The following PLCB4 variants were observed in gnomAD, a reference collection of about 807,000 sequenced individuals.
The protein encoded by PLCB4 is phospholipase C beta 4.
PLCB4 carries 77 observed loss-of-function variants against 178.8 expected under a neutral mutation model. That is an observed-to-expected ratio of 0.43 (90% confidence interval 0.36 to 0.52). The LOEUF (loss-of-function observed/expected upper bound fraction) is 0.52, where lower values mean the gene tolerates loss of function less well. Ranked by LOEUF, PLCB4 falls within the 20% of genes least tolerant of loss-of-function variation. The probability of loss-of-function intolerance (pLI) is 0.00; values close to 1 mark genes in which losing one functional copy is unlikely to be tolerated. For missense variants in PLCB4, 1,024 were observed against 1,453.4 expected, an observed-to-expected ratio of 0.70 and a Z score of 4.80; for synonymous variants, 496 against 490.8, an observed-to-expected ratio of 1.01 and a Z score of -0.14.
intron 3 of PLCB4, among the ~76,000 whole-genome samples, chr20:9,237,712 A>G (rs2094008593): frequency 6.6e-6 from 1 of 152,250 alleles, no homozygotes; most frequent in African/African-American, 2.4e-5. Context: ...AAGTGGTGTT[A>G]ATAGATACTT....
At position 9,334,595 on chromosome 20, in the gene PLCB4, G is replaced by A. The variant is rs7271312; in HGVS notation, c.85-2531G>A. ...ATAAAGTATGCATAAAATAGACTTC[G>A]TTTTTTGGCCAAGAAAACACTAAAT... is the stretch of plus-strand genomic sequence containing the variant. On this transcript the variant is annotated intron_variant, in intron 4 of 39. Coordinates refer to ENST00000378473, the MANE Select transcript of PLCB4 (RefSeq NM_001377142.1). Among the ~76,000 whole-genome samples, 1,094 of 152,120 alleles carry A rather than the reference G, an allele frequency of 7.2e-3. 10 individuals carry two copies. Among genetic ancestry groups the A allele is most frequent in the African/African-American group, 0.024 (1,009 of 41,506 alleles).
chr20:9,222,777 T>A (rs907068297), intron 3 of PLCB4, among the ~76,000 whole-genome samples: 1 of 152,196 alleles, frequency 6.6e-6, no homozygotes, highest in Non-Finnish European at 1.5e-5. Flanking sequence ...GGTACCATAT[T>A]GGCCAGTGCA....
chr20:9,477,497 A>G (rs1192243777), intron 39 of PLCB4, among the ~76,000 whole-genome samples: 1 of 152,188 alleles, frequency 6.6e-6, no homozygotes. Flanking sequence ...ACAAGCACAG[A>G]GAATCATTTG....
chr20:9,359,287 G>A (rs1474402486), intron 7 of PLCB4, among the ~76,000 whole-genome samples: 2 of 152,088 alleles, frequency 1.3e-5, no homozygotes, highest in Non-Finnish European at 2.9e-5. Context: ...ACAGGGCCTG[G>A]GGTGGTGAAA....
intron 25 of PLCB4, 34 bp downstream of exon 25, chr20:9,411,122 A>T: frequency 7.0e-7 from 1 of 1,419,092 alleles, no homozygotes. Flanking sequence ...TTTCACCTAG[A>T]TTGAGAACTC....
intron 2 of PLCB4, among the ~76,000 whole-genome samples, chr20:9,117,637 A>G (rs2091825167): frequency 6.6e-6 from 1 of 152,120 alleles, no homozygotes; most frequent in African/African-American, 2.4e-5. Context: ...CAAGATTCCT[A>G]TATTCTGACC....
At chr20:9,301,910 C>T (rs759246984) in intron 3 of PLCB4, among the ~76,000 whole-genome samples, 76 of 151,878 alleles carry the variant, frequency 5.0e-4, no homozygotes, top group Admixed American at 9.9e-4. Flanking sequence ...AGCCTTCTGG[C>T]CTCCTTCCAG....
chr20:9,381,777 T>C (rs1425834047), intron 13 of PLCB4, among the ~76,000 whole-genome samples: 1 of 152,170 alleles, frequency 6.6e-6, no homozygotes, highest in Non-Finnish European at 1.5e-5. Flanking sequence ...TTGGCAATAG[T>C]TTATAAAGTG....
chr20:9,268,429 T>C (rs1453631158), intron 3 of PLCB4, among the ~76,000 whole-genome samples: 2 of 152,192 alleles, frequency 1.3e-5, no homozygotes, highest in Non-Finnish European at 2.9e-5. Flanking sequence ...TCAAAGTATC[T>C]CAAGTAAATC....
At chr20:9,341,498 A>G (rs2033192437) in intron 7 of PLCB4, among the ~76,000 whole-genome samples, 1 of 152,164 alleles carries the variant, frequency 6.6e-6, no homozygotes, top group Non-Finnish European at 1.5e-5. Context: ...AAAATATATT[A>G]TTCATGAATT....
At chr20:9,222,483 T>C (rs150341354) in intron 3 of PLCB4, among the ~76,000 whole-genome samples, 4 of 152,288 alleles carry the variant, frequency 2.6e-5, no homozygotes, top group Non-Finnish European at 5.9e-5. Flanking sequence ...ATAGAAATAT[T>C]ACGTGAACAA....
At chr20:9,452,593 G>A (rs959286319) in intron 32 of PLCB4, among the ~76,000 whole-genome samples, 5 of 152,150 alleles carry the variant, frequency 3.3e-5, no homozygotes, top group African/African-American at 1.2e-4. Flanking sequence ...GTAGCTAAAT[G>A]CCTTTTTCAT....
chr20:9,479,253 A>C lies in PLCB4; in HGVS notation c.*244A>C, dbSNP rs2044752202. 3.9e-6 allele frequency: 2 copies of C among 506,704 alleles called. No individual in the cohort carries two copies. Among genetic ancestry groups the C allele is most frequent in the Non-Finnish European group, 7.1e-6 (2 of 281,852 alleles). The allele number at this position is 506,704 out of a possible 1,614,324, so 31.4% of individuals were successfully genotyped here. A position where few individuals can be genotyped will look rare whatever the true frequency, so the allele number is the denominator to read the frequency against. ...CCAGTAAGGCAGAGTCCAACCATTGATAATACAACTTAAACATGTTTGCTA... is the reference window on the plus strand; with the variant it reads ...CCAGTAAGGCAGAGTCCAACCATTGCTAATACAACTTAAACATGTTTGCTA... On this transcript the variant is annotated 3_prime_UTR_variant, in exon 40 of 40. Coordinates refer to ENST00000378473, the MANE Select transcript of PLCB4 (RefSeq NM_001377142.1).
intron 3 of PLCB4, among the ~76,000 whole-genome samples, chr20:9,306,317 G>A (rs989862058): frequency 3.3e-5 from 5 of 152,068 alleles, no homozygotes; most frequent in Admixed American, 2.6e-4. Flanking sequence ...ATGTTGGCCA[G>A]GCTGGTCTTG....
At chr20:9,327,388 G>T (rs960741093) in intron 4 of PLCB4, among the ~76,000 whole-genome samples, 1 of 150,542 alleles carries the variant, frequency 6.6e-6, no homozygotes, top group Non-Finnish European at 1.5e-5. Context: ...TTGAGGCTGC[G>T]GTGCTATGAT....
rs182606988 is a variant in PLCB4, at chr20:9,126,465, G to A, written c.-79+30123G>A. ...CTTCACTCTTCCTTCCATATTTTAA[G>A]TTTTAAATCTAAGCAAAAGTAGATC... On this transcript the variant is annotated intron_variant, in intron 2 of 39. Coordinates refer to ENST00000378473, the MANE Select transcript of PLCB4 (RefSeq NM_001377142.1). Among the ~76,000 whole-genome samples the A allele has an allele frequency of 3.5e-3, 538 of 152,204 alleles. 7 individuals are homozygous for A. Among genetic ancestry groups the A allele is most frequent in the African/African-American group, 0.012 (506 of 41,532 alleles).
At chr20:9,165,793 T>TTGTGTGTGTGTGTGTGTG (rs3036061) in intron 2 of PLCB4, among the ~76,000 whole-genome samples, 16 of 139,650 alleles carry the variant, frequency 1.1e-4, no homozygotes, top group African/African-American at 4.2e-4. Context: ...CTGGGGCTGT[T>TTGTGTGTGTGTGTGTGTG]TGTGTGTGTG....
At chr20:9,102,880 A>T (rs2091218316) in intron 2 of PLCB4, among the ~76,000 whole-genome samples, 1 of 152,172 alleles carries the variant, frequency 6.6e-6, no homozygotes, top group Non-Finnish European at 1.5e-5. Context: ...TGAACACCAA[A>T]AAAAGTCTGC....
At chr20:9,103,006 A>G (rs2091225089) in intron 2 of PLCB4, among the ~76,000 whole-genome samples, 2 of 150,318 alleles carry the variant, frequency 1.3e-5, no homozygotes, top group South Asian at 4.2e-4. Context: ...GTTCTTCTTC[A>G]TGTCTGCTCT....
Sources: gnomAD v4.1 joint callset for allele counts (sites outside exome capture counted in the v4.1 genomes callset) on GRCh38, gnomAD v4.1.1 for gene constraint, MANE v1.5 for transcripts, NCBI Gene and HGNC (gene_info 2026-07-23, HGNC 2026-07-21) for gene names.